PANK4: variants seen among roughly 807,000 people sequenced by gnomAD.
PANK4 encodes pantothenate kinase 4 (inactive).
In PANK4, 40 loss-of-function variants were observed where a neutral mutation model predicts 87.9. That is an observed-to-expected ratio of 0.46 (90% CI 0.35 to 0.59). The LOEUF is 0.59. Among genes scored for constraint, PANK4 ranks in the 20% least tolerant of loss-of-function variants. The pLI is 0.00. For missense variants in PANK4, 926 were observed against 1,072.3 expected (o/e 0.86, Z 1.90); for synonymous variants, 524 against 467.4 (o/e 1.12, Z -1.56).
intron 3 of PANK4, 44 bp downstream of exon 3, chr1:2,521,057 G>A (rs1271800902): frequency 1.3e-6 from 2 of 1,568,296 alleles, no homozygotes; most frequent in South Asian, 1.1e-5. Context: ...AGGGACTCGG[G>A]GGCAGACACA....
At chr1:2,525,346 G>A (rs1488727914) in intron 1 of PANK4, among the ~76,000 whole-genome samples, 1 of 152,052 alleles carries the variant, frequency 6.6e-6, no homozygotes, top group East Asian at 1.9e-4. Flanking sequence ...CTTTTCGGGG[G>A]CTGGGGCTAC....
At position 2,519,913 on chromosome 1, in the gene PANK4, G is replaced by T. The variant is rs868340958; in HGVS notation, c.741C>A (p.His247Gln). The T allele has an allele frequency of 6.4e-7, 1 of 1,566,904 alleles. No individual in the cohort carries two copies. ...CCCGCACCAGCATGTCCACATTGCT[G>T]TGCTGGCCCCTCGAGGCCAGGTGCA... is the stretch of plus-strand genomic sequence containing the variant. The part of the protein sequence containing the change: ...ELLHLASRGQ[H>Q]SNVDMLVRDV... The change falls in exon 6 of 19, where the codon CAC becomes CAA. Residue 247 changes from histidine to glutamine, a missense_variant. Physicochemically the swap from His to Gln is conservative, Grantham distance 24 (BLOSUM62 0). Transcript: ENST00000378466. The surrounding 1 kb of genome is among the most constrained non-coding windows in gnomAD (Gnocchi z 8.3).
rs1643727998 is a variant in PANK4, at chr1:2,514,581, G to A, written c.1375-115C>T. On this transcript the variant is annotated intron_variant, in intron 10 of 18. Coordinates refer to ENST00000378466, the MANE Select transcript of PANK4 (RefSeq NM_018216.4). ...GGGGTCGGCCGTGGGGGACTGTCTG[G>A]GGCAGGGTGGGGGCGGCTGTAGGAG... The A allele has an allele frequency of 4.9e-6, 3 of 615,832 alleles. No individual in the cohort carries two copies. The Admixed American group carries it at 7.7e-5, about 16-fold the overall frequency. 38.1% of individuals were successfully genotyped at this position (615,832 alleles called of 1,614,324 possible). A position where few individuals can be genotyped will look rare whatever the true frequency, so the allele number is the denominator to read the frequency against.
chr1:2,514,540 G>T, intron 10 of PANK4, 74 bp from the exon 11 acceptor site: 2 of 1,071,088 alleles, frequency 1.9e-6, no homozygotes, highest in South Asian at 2.6e-5. Flanking sequence ...GACAGCAGGG[G>T]GCTCGGGGAA....
rs1364504570 is a variant in PANK4 at position 2,508,548 on chromosome 1, ACT to A, written c.*297_*298del. On this transcript the variant is annotated 3_prime_UTR_variant, in exon 19 of 19. Transcript: ENST00000378466. This position sits in a 1 kb window ranked among gnomAD's most constrained non-coding sequence, Gnocchi z 5.1. ...CAGATGGCTCCGGCCTCTTTTAAAA[ACT>A]CTATTTGGTGCGTGCCCACGGTGCT... 1.2e-5 allele frequency: 2 copies of A among 165,178 alleles called. No homozygotes were observed. The highest frequency in any genetic ancestry group is 2.1e-4 in the South Asian group (1 of 4,828). 10.2% of individuals were successfully genotyped at this position (165,178 alleles called of 1,614,324 possible).
intron 9 of PANK4, among the ~76,000 whole-genome samples, chr1:2,517,472 C>T (rs1163512327): frequency 6.6e-6 from 1 of 152,256 alleles, no homozygotes; most frequent in Non-Finnish European, 1.5e-5. Context: ...CTCACAGCTA[C>T]AGAAGGAATG....
chr1:2,521,527 G>A (rs965065316), intron 2 of PANK4, 191 bp downstream of exon 2: 12 of 695,942 alleles, frequency 1.7e-5, no homozygotes, highest in Non-Finnish European at 2.6e-5. Context: ...GGGAGCACAG[G>A]CGGGCGCAGG....
intron 1 of PANK4, 100 bp from the exon 2 acceptor site, chr1:2,521,900 C>A: frequency 1.1e-6 from 1 of 904,470 alleles, no homozygotes; most frequent in Non-Finnish European, 1.9e-6. Context: ...AGACTAAAGT[C>A]TCTGTAGATG....
chr1:2,514,267 G>A (rs925474814), intron 11 of PANK4, 87 bp downstream of exon 11: 4 of 1,223,874 alleles, frequency 3.3e-6, no homozygotes, highest in South Asian at 2.4e-5. Context: ...GCTGGGGTCC[G>A]AATGCCAACA....
chr1:2,519,136 C>A lies in PANK4; in HGVS notation c.1035+7G>T. On this transcript the variant is annotated splice_region_variant and intron_variant, in intron 7 of 18. Coordinates refer to ENST00000378466, the MANE Select transcript of PANK4 (RefSeq NM_018216.4). The surrounding 1 kb of genome is among the most constrained non-coding windows in gnomAD (Gnocchi z 8.3). ...TTAGAGGCTGGGGAGGGCGGCGCAT[C>A]CGTTACCTTGGAGAAGAAGTTGATG... 6.2e-7 allele frequency: 1 copy of A among 1,609,860 alleles called. No individual in the cohort carries two copies. The highest frequency in any genetic ancestry group is 1.1e-5 in the South Asian group (1 of 90,838).
chr1:2,519,716 A>G lies in PANK4; in HGVS notation c.853+85T>C. The G allele has an allele frequency of 1.5e-6, 2 of 1,362,636 alleles. No homozygotes were observed. The highest frequency in any genetic ancestry group is 2.5e-5 in the Admixed American group (1 of 40,596). 84.4% of individuals were successfully genotyped at this position (1,362,636 alleles called of 1,614,324 possible). ...ACTCTCCAGGGAGCAGTTGTGGGAA[A>G]GCAATGGTGGGGGAAGCTCCTGTCC... is the stretch of plus-strand genomic sequence containing the variant. On this transcript the variant is annotated intron_variant, in intron 6 of 18. Transcript: ENST00000378466. This position sits in a 1 kb window ranked among gnomAD's most constrained non-coding sequence, Gnocchi z 8.3.
intron 1 of PANK4, 67 bp downstream of exon 1, chr1:2,526,397 T>G (rs1196009775): frequency 1.3e-3 from 601 of 466,770 alleles, no homozygotes; most frequent in Non-Finnish European, 1.6e-3. Flanking sequence ...CCGCCCCCGC[T>G]CGCCGGCCCA....
At position 2,515,728 on chromosome 1, in the gene PANK4, G is replaced by C. The variant is rs753774489; in HGVS notation, c.1219-11C>G. 9 of 1,612,060 alleles carry C rather than the reference G, an allele frequency of 5.6e-6. No individual in the cohort carries two copies. The highest frequency in any genetic ancestry group is 7.6e-6 in the Non-Finnish European group (9 of 1,179,378). ...TTCCAGCAAGTCAAACTGGAAGACA[G>C]GCAGTGGCAGGGTGGAAACGTCACC... On this transcript the variant is annotated splice_polypyrimidine_tract_variant and intron_variant, in intron 9 of 18. Coordinates refer to ENST00000378466, the MANE Select transcript of PANK4 (RefSeq NM_018216.4). This position sits in a 1 kb window ranked among gnomAD's most constrained non-coding sequence, Gnocchi z 5.0.
rs974111724 is a variant in PANK4 at position 2,515,884 on chromosome 1, C to T, written c.1219-167G>A. 16 of 682,060 alleles carry T rather than the reference C, an allele frequency of 2.3e-5. No individual in the cohort carries two copies. Among genetic ancestry groups the T allele is most frequent in the Middle Eastern group, 3.4e-4 (1 of 2,984 alleles). The allele number at this position is 682,060 out of a possible 1,614,324, so 42.3% of individuals were successfully genotyped here. On this transcript the variant is annotated intron_variant, in intron 9 of 18. Transcript: ENST00000378466. This position sits in a 1 kb window ranked among gnomAD's most constrained non-coding sequence, Gnocchi z 5.0. ...CCACTGGGCCCCCTCAGCTGCCCGG[C>T]GGCCTGAGCCGGATACCTTGACTTA... is the stretch of plus-strand genomic sequence containing the variant.
chr1:2,519,690 G>T lies in PANK4; in HGVS notation c.853+111C>A. The T allele has an allele frequency of 8.6e-7, 1 of 1,162,470 alleles. No homozygotes were observed. Among genetic ancestry groups the T allele is most frequent in the Non-Finnish European group, 1.2e-6 (1 of 846,800 alleles). The allele number at this position is 1,162,470 out of a possible 1,614,324, so 72.0% of individuals were successfully genotyped here. A position where few individuals can be genotyped will look rare whatever the true frequency, so the allele number is the denominator to read the frequency against. ...TTACAGGGCTGACACCCAAGACCCC[G>T]ACTCTCCAGGGAGCAGTTGTGGGAA... On this transcript the variant is annotated intron_variant, in intron 6 of 18. Coordinates refer to ENST00000378466, the MANE Select transcript of PANK4 (RefSeq NM_018216.4). This position sits in a 1 kb window ranked among gnomAD's most constrained non-coding sequence, Gnocchi z 8.3.
intron 12 of PANK4, among the ~76,000 whole-genome samples, chr1:2,513,267 G>A (rs1307471386): frequency 6.6e-6 from 1 of 152,268 alleles, no homozygotes; most frequent in Non-Finnish European, 1.5e-5. Context: ...ATGTGACTGA[G>A]CAGTGGGTGA....
Position 2,520,050 on chromosome 1 carries a change from CA to C in PANK4, c.700-97del. The C allele has an allele frequency of 8.0e-7, 1 of 1,244,228 alleles. No homozygotes were observed. Among genetic ancestry groups the C allele is most frequent in the South Asian group, 1.5e-5 (1 of 66,646 alleles). The allele number at this position is 1,244,228 out of a possible 1,614,324, so 77.1% of individuals were successfully genotyped here. ...GCCCATGGCAGGAGGCACGCGCGGG[CA>C]GGGGGTAAATGGGCCCTCATCGCGT... On this transcript the variant is annotated intron_variant, in intron 5 of 18. Transcript: ENST00000378466. This position sits in a 1 kb window ranked among gnomAD's most constrained non-coding sequence, Gnocchi z 6.2.
intron 9 of PANK4, among the ~76,000 whole-genome samples, chr1:2,517,059 T>G (rs1383277985): frequency 6.6e-6 from 1 of 152,144 alleles, no homozygotes; most frequent in Non-Finnish European, 1.5e-5. Flanking sequence ...CAGGTTACAG[T>G]CCAGGACATT....
In PANK4 at chr1:2,509,407, G is replaced by A. The variant is rs889989213; in HGVS notation, c.2109-347C>T. Among the ~76,000 whole-genome samples the A allele has an allele frequency of 1.3e-5, 2 of 152,170 alleles. No homozygotes were observed. Among genetic ancestry groups the A allele is most frequent in the Admixed American group, 6.5e-5 (1 of 15,282 alleles). Reference sequence around the variant, plus strand: ...ATCCCACCAGGCAGAGCAGACCAGCGGCCCCAGCACTCAGAACCCGCTCAT... The same window carrying A: ...ATCCCACCAGGCAGAGCAGACCAGCAGCCCCAGCACTCAGAACCCGCTCAT... On this transcript the variant is annotated intron_variant, in intron 18 of 18. Transcript: ENST00000378466. This position sits in a 1 kb window ranked among gnomAD's most constrained non-coding sequence, Gnocchi z 4.9.
Sources: gnomAD v4.1 joint callset for allele counts (sites outside exome capture counted in the v4.1 genomes callset) on GRCh38, gnomAD v4.1.1 for gene constraint, Gnocchi (gnomAD v3.1) non-coding constraint, MANE v1.5 for transcripts, NCBI Gene and HGNC (gene_info 2026-07-23, HGNC 2026-07-21) for gene names.